The following ZNF431 variants were observed in gnomAD, a reference collection of about 807,000 sequenced individuals.
ZNF431 encodes zinc finger protein 431.
In ZNF431, 34 loss-of-function variants were observed where a neutral mutation model predicts 57.0. The ratio of observed to expected loss-of-function variants is 0.60; its 90% CI spans 0.45 to 0.79. ZNF431 has a LOEUF of 0.79. ZNF431 is among the 30% of genes least tolerant of loss of function. ZNF431 has a pLI of 0.00. For synonymous variants in ZNF431, 207 were observed against 220.3 expected, an observed-to-expected ratio of 0.94 and a Z score of 0.54; for missense variants, 607 against 667.1, an observed-to-expected ratio of 0.91 and a Z score of 0.99.
At chr19:21,145,337 G>C (rs1344312874) in intron 2 of ZNF431, among the ~76,000 whole-genome samples, 1 of 152,172 alleles carries the variant, frequency 6.6e-6, no homozygotes, top group African/African-American at 2.4e-5. Flanking sequence ...TTAGCCAGGC[G>C]TAGTGGTGGG....
At chr19:21,155,587 A>G (rs1970396488) in intron 2 of ZNF431, among the ~76,000 whole-genome samples, 1 of 152,132 alleles carries the variant, frequency 6.6e-6, no homozygotes, top group South Asian at 2.1e-4. Flanking sequence ...TGGGGATGGC[A>G]TTGAATCTAT....
rs1971551886 is a variant in ZNF431, at chr19:21,193,750, ATAAG to A, written c.*9718_*9721del. The A allele has an allele frequency of 6.6e-6, 1 of 152,234 alleles. No individual in the cohort carries two copies. The highest frequency in any genetic ancestry group is 2.4e-5 in the African/African-American group (1 of 41,466). The allele number at this position is 152,234 out of a possible 1,614,324, so 9.4% of individuals were successfully genotyped here. On this transcript the variant is annotated 3_prime_UTR_variant, in exon 5 of 5. Coordinates refer to ENST00000311048, the MANE Select transcript of ZNF431 (RefSeq NM_133473.4). ...AGGATGTTTCATCATATACAAGTCA[ATAAG>A]TGTGTTTCACCATACAATTAAAAGC...
At chr19:21,150,240 A>G in intron 2 of ZNF431, 2 of 519,664 alleles carry the variant, frequency 3.8e-6, no homozygotes, top group Admixed American at 2.4e-5. Context: ...CCTATAGAGG[A>G]TGGCTCTTTG....
intron 2 of ZNF431, among the ~76,000 whole-genome samples, chr19:21,150,702 A>G (rs1246110200): frequency 6.6e-6 from 1 of 152,156 alleles, no homozygotes; most frequent in Non-Finnish European, 1.5e-5. Flanking sequence ...GGTGGTCAAG[A>G]TTATGTTTCT....
intron 2 of ZNF431, among the ~76,000 whole-genome samples, chr19:21,165,680 A>T (rs972547229): frequency 2.4e-4 from 37 of 151,958 alleles, no homozygotes; most frequent in Non-Finnish European, 8.8e-5. Context: ...ATCACAATTA[A>T]TCTGGTGCCT....
intron 4 of ZNF431, among the ~76,000 whole-genome samples, chr19:21,176,104 T>A (rs1358915860): frequency 6.6e-6 from 1 of 152,266 alleles, no homozygotes; most frequent in African/African-American, 2.4e-5. Flanking sequence ...CTTGATTTTT[T>A]AATAATCACC....
rs938542564 is a variant in ZNF431 at position 21,194,831 on chromosome 19, T to C, written c.*10797T>C. ...TTTTAATTTACAAAAGAAAGGTGAATGCCATTAAAAGGTGTTTAATACACT... is the reference window on the plus strand; with the variant it reads ...TTTTAATTTACAAAAGAAAGGTGAACGCCATTAAAAGGTGTTTAATACACT... On this transcript the variant is annotated 3_prime_UTR_variant, in exon 5 of 5. Coordinates refer to ENST00000311048, the MANE Select transcript of ZNF431 (RefSeq NM_133473.4). The C allele has an allele frequency of 2.6e-5, 4 of 152,148 alleles. No individual in the cohort carries two copies. The highest frequency in any genetic ancestry group is 5.9e-5 in the Non-Finnish European group (4 of 68,036). 9.4% of individuals were successfully genotyped at this position (152,148 alleles called of 1,614,324 possible). A position where few individuals can be genotyped will look rare whatever the true frequency, so the allele number is the denominator to read the frequency against.
intron 3 of ZNF431, 79 bp from the exon 4 acceptor site, chr19:21,167,492 C>T (rs1171856362): frequency 6.4e-5 from 69 of 1,082,674 alleles, no homozygotes; most frequent in Non-Finnish European, 8.2e-5. Flanking sequence ...TCTATCACAT[C>T]CTTTTTACTG....
At chr19:21,152,137 C>T (rs1321891893) in intron 2 of ZNF431, among the ~76,000 whole-genome samples, 1 of 152,160 alleles carries the variant, frequency 6.6e-6, no homozygotes, top group African/African-American at 2.4e-5. Flanking sequence ...TAAACTTGGC[C>T]CCAGTTGGGC....
rs772172413 is a variant in ZNF431, at chr19:21,183,645, A to G, written c.1342A>G (p.Ile448Val). The stretch of plus-strand genomic sequence containing the variant: ...GTCCCCACAACTTACTGCACATAAG[A>G]TAATTCATACTGGAGAGAAACCTTA... ...NRSPQLTAHKIIHTGEKPYKC... is the reference protein window; with the variant it reads ...NRSPQLTAHKVIHTGEKPYKC... Residue 448 changes from isoleucine to valine, a missense_variant, in exon 5 of 5, where the codon ATA becomes GTA. By Grantham distance (29) the Ile-to-Val change is conservative. Coordinates refer to ENST00000311048, the MANE Select transcript of ZNF431 (RefSeq NM_133473.4). The G allele has an allele frequency of 1.2e-6, 2 of 1,613,522 alleles. No homozygotes were observed. The highest frequency in any genetic ancestry group is 1.7e-5 in the Admixed American group (1 of 59,988).
At chr19:21,169,537 G>C (rs940591251) in intron 4 of ZNF431, among the ~76,000 whole-genome samples, 7 of 152,176 alleles carry the variant, frequency 4.6e-5, no homozygotes, top group African/African-American at 1.4e-4. Context: ...GTGAAGAGGG[G>C]TTGTAGCTTT....
intron 4 of ZNF431, among the ~76,000 whole-genome samples, chr19:21,171,239 A>G (rs1244292779): frequency 2.6e-5 from 4 of 152,324 alleles, no homozygotes; most frequent in East Asian, 3.9e-4. Context: ...GTGCATGCCA[A>G]TGATTCAAAA....
At chr19:21,172,854 C>T (rs1467566876) in intron 4 of ZNF431, among the ~76,000 whole-genome samples, 1 of 152,140 alleles carries the variant, frequency 6.6e-6, no homozygotes, top group African/African-American at 2.4e-5. Context: ...CTGCAAAAGA[C>T]TTCTAGAAAT....
chr19:21,173,675 G>A (rs1354350306), intron 4 of ZNF431, among the ~76,000 whole-genome samples: 1 of 150,656 alleles, frequency 6.6e-6, no homozygotes, highest in East Asian at 2.0e-4. Context: ...ACAGGTGCCC[G>A]CCACCATGCC....
Position 21,142,053 on chromosome 19 carries a change from G to C in ZNF431, c.-131G>C. On this transcript the variant is annotated 5_prime_UTR_variant, in exon 1 of 5. Transcript: ENST00000311048. Reference sequence around the variant, plus strand: ...GGCGGGGCCTTTGTCTCTCGCCGCAGCCTGAGCTCCAGGTCTCCCCTTCGC... The same window carrying C: ...GGCGGGGCCTTTGTCTCTCGCCGCACCCTGAGCTCCAGGTCTCCCCTTCGC... 2 of 1,239,556 alleles carry C rather than the reference G, an allele frequency of 1.6e-6. No homozygotes were observed. Among genetic ancestry groups the C allele is most frequent in the South Asian group, 2.6e-5 (2 of 76,248 alleles). The allele number at this position is 1,239,556 out of a possible 1,614,324, so 76.8% of individuals were successfully genotyped here. A position where few individuals can be genotyped will look rare whatever the true frequency, so the allele number is the denominator to read the frequency against.
At chr19:21,161,708 C>T (rs762877591) in intron 2 of ZNF431, among the ~76,000 whole-genome samples, 16 of 151,940 alleles carry the variant, frequency 1.1e-4, no homozygotes, top group Non-Finnish European at 2.2e-4. Flanking sequence ...GGCTGGAGTG[C>T]AGTGGCGCAA....
chr19:21,172,647 T>A (rs1395745896), intron 4 of ZNF431, among the ~76,000 whole-genome samples: 7 of 152,012 alleles, frequency 4.6e-5, no homozygotes, highest in African/African-American at 4.8e-5. Context: ...TAAAAATTTT[T>A]AAAAATATCT....
At chr19:21,172,811 C>G (rs1218247189) in intron 4 of ZNF431, among the ~76,000 whole-genome samples, 1 of 152,138 alleles carries the variant, frequency 6.6e-6, no homozygotes, top group African/African-American at 2.4e-5. Context: ...AGAAGCTGTA[C>G]ATTTCAGGGA....
chr19:21,175,208 A>G (rs1253008830), intron 4 of ZNF431, among the ~76,000 whole-genome samples: 2 of 152,120 alleles, frequency 1.3e-5, no homozygotes, highest in Non-Finnish European at 2.9e-5. Flanking sequence ...TGCCATCCCA[A>G]ACCGAGATAG....
Sources: allele counts gnomAD v4.1 joint callset (sites outside exome capture counted in the v4.1 genomes callset), GRCh38; gene constraint gnomAD v4.1.1; transcripts MANE v1.5; gene names NCBI Gene and HGNC (gene_info 2026-07-23, HGNC 2026-07-21).